Variants in DENND1A observed in about 807,000 individuals in gnomAD.
DENND1A encodes DENN domain containing 1A, also known as DENN domain-containing protein 1A.
Under a neutral mutation model 113.7 loss-of-function variants are expected in DENND1A, and 51 were observed. That is an observed-to-expected ratio of 0.45 (90% CI 0.36 to 0.57). The LOEUF is 0.57. DENND1A is among the 20% of genes least tolerant of loss of function. The pLI is 0.00. For missense variants in DENND1A, 1,258 were observed against 1,395.9 expected, an observed-to-expected ratio of 0.90 and a Z score of 1.57; for synonymous variants, 565 against 570.8, an observed-to-expected ratio of 0.99 and a Z score of 0.14.
chr9:123,752,211 T>C (rs1448311219), intron 5 of DENND1A, among the ~76,000 whole-genome samples: 1 of 152,198 alleles, frequency 6.6e-6, no homozygotes, highest in Non-Finnish European at 1.5e-5. Context: ...AGTTTTCAAA[T>C]GGAGATCTGG....
At chr9:123,546,816 G>T (rs1350182449) in intron 13 of DENND1A, among the ~76,000 whole-genome samples, 5 of 152,146 alleles carry the variant, frequency 3.3e-5, no homozygotes, top group African/African-American at 1.2e-4. Context: ...AATTCCTCCA[G>T]GATGGTGCAA....
chr9:123,573,795 G>C (rs940836841), intron 12 of DENND1A, among the ~76,000 whole-genome samples: 2 of 151,690 alleles, frequency 1.3e-5, no homozygotes, highest in African/African-American at 4.8e-5. Context: ...GGAACCTCCA[G>C]TACAATGTTG....
chr9:123,614,134 AG>A (rs2060535639), intron 10 of DENND1A, among the ~76,000 whole-genome samples: 1 of 152,220 alleles, frequency 6.6e-6, no homozygotes, highest in African/African-American at 2.4e-5. Flanking sequence ...CCATATTTTC[AG>A]GTTAGGAAAC....
At chr9:123,598,577 A>AT (rs1377732548) in intron 11 of DENND1A, among the ~76,000 whole-genome samples, 3 of 152,240 alleles carry the variant, frequency 2.0e-5, no homozygotes, top group Admixed American at 2.0e-4. Flanking sequence ...GAAACCTAAA[A>AT]TTGACTGTTT....
intron 2 of DENND1A, among the ~76,000 whole-genome samples, chr9:123,835,150 T>C (rs1840861112): frequency 1.3e-5 from 2 of 150,212 alleles, no homozygotes; most frequent in Non-Finnish European, 3.0e-5. Context: ...TCTATTATAC[T>C]CGGTGAACTA....
At chr9:123,538,010 G>A (rs1013957364) in intron 13 of DENND1A, among the ~76,000 whole-genome samples, 1 of 152,244 alleles carries the variant, frequency 6.6e-6, no homozygotes, top group Non-Finnish European at 1.5e-5. Flanking sequence ...GGGAGACAGT[G>A]TCTTGCGTAA....
chr9:123,793,214 T>C (rs1297816625), intron 2 of DENND1A, among the ~76,000 whole-genome samples: 4 of 152,164 alleles, frequency 2.6e-5, no homozygotes, highest in Admixed American at 1.3e-4. Flanking sequence ...AAACAAAATA[T>C]GAAAAAATTA....
chr9:123,836,303 T>C (rs17290683), intron 2 of DENND1A, among the ~76,000 whole-genome samples: 10,403 of 152,158 alleles, frequency 0.068, 528 homozygotes, highest in Non-Finnish European at 0.1. Flanking sequence ...TAATGGGCAA[T>C]AATACCCCTG....
intron 13 of DENND1A, among the ~76,000 whole-genome samples, chr9:123,466,863 C>G (rs1261878647): frequency 7.4e-6 from 1 of 135,680 alleles, no homozygotes; most frequent in African/African-American, 2.8e-5. Context: ...AGAGAGACCC[C>G]GTCTAGACCC....
chr9:123,552,039 C>CAGAGAGAGAGAGAGAGAGAGAG (rs58452320), intron 13 of DENND1A, among the ~76,000 whole-genome samples: 173 of 128,404 alleles, frequency 1.3e-3, no homozygotes, highest in African/African-American at 4.1e-3. Context: ...GAGAGAGAGA[C>CAGAGAGAGAGAGAGAGAGAGAG]AGAGAGAGAG....
At chr9:123,395,524 G>C (rs555214641) in intron 21 of DENND1A, among the ~76,000 whole-genome samples, 21 of 151,674 alleles carry the variant, frequency 1.4e-4, no homozygotes, top group Non-Finnish European at 2.9e-4. Flanking sequence ...GTGAGAGTGA[G>C]AGGCCTCTAG....
chr9:123,687,180 A>G (rs1433152914), intron 5 of DENND1A, among the ~76,000 whole-genome samples: 2 of 152,124 alleles, frequency 1.3e-5, no homozygotes, highest in East Asian at 1.9e-4. Context: ...CTAGTCCAAT[A>G]AAAGTAATGT....
intron 1 of DENND1A, among the ~76,000 whole-genome samples, chr9:123,924,353 T>A (rs1463137811): frequency 6.6e-6 from 1 of 152,206 alleles, no homozygotes; most frequent in Non-Finnish European, 1.5e-5. Flanking sequence ...CCCTTGTGAA[T>A]ATACTTAAAA....
intron 21 of DENND1A, among the ~76,000 whole-genome samples, chr9:123,392,543 T>C (rs1333226913): frequency 8.6e-5 from 13 of 152,032 alleles, no homozygotes. Context: ...GCCCCCAGGG[T>C]GAGGCTAGGT....
chr9:123,897,216 T>C (rs189354894), intron 1 of DENND1A, among the ~76,000 whole-genome samples: 120 of 152,318 alleles, frequency 7.9e-4, no homozygotes, highest in African/African-American at 2.8e-3. Flanking sequence ...TGAAATGGGA[T>C]AGAAGATTCT....
At chr9:123,644,764 C>T (rs1490310636) in intron 9 of DENND1A, among the ~76,000 whole-genome samples, 1 of 152,210 alleles carries the variant, frequency 6.6e-6, no homozygotes, top group Non-Finnish European at 1.5e-5. Context: ...ATATTCATGG[C>T]CACCTCTCCT....
intron 3 of DENND1A, among the ~76,000 whole-genome samples, chr9:123,787,492 G>A (rs1485160124): frequency 4.6e-5 from 7 of 152,042 alleles, no homozygotes; most frequent in South Asian, 4.1e-4. Context: ...TATCTCTACC[G>A]TCTCTCTAAT....
At chr9:123,398,681 T>C (rs761931987) in intron 21 of DENND1A, among the ~76,000 whole-genome samples, 1 of 149,066 alleles carries the variant, frequency 6.7e-6, no homozygotes, top group Non-Finnish European at 1.5e-5. Context: ...CCGGCCACCA[T>C]TGGCTCTTTC....
chr9:123,446,004 G>T (rs1217786021), intron 18 of DENND1A, among the ~76,000 whole-genome samples: 1 of 152,226 alleles, frequency 6.6e-6, no homozygotes, highest in African/African-American at 2.4e-5. Context: ...CTAGTTTACA[G>T]ATGAGAAAAA....
Sources: allele counts gnomAD v4.1 joint callset (sites outside exome capture counted in the v4.1 genomes callset), GRCh38; gene constraint gnomAD v4.1.1; transcripts MANE v1.5; gene names NCBI Gene and HGNC (gene_info 2026-07-23, HGNC 2026-07-21).